Variants in SLC2A4RG observed in about 807,000 individuals in gnomAD.
SLC2A4RG encodes the protein GLUT4 enhancer factor.
Under a neutral mutation model 35.5 loss-of-function variants are expected in SLC2A4RG, and 23 were observed. The observed-to-expected ratio is 0.65, with a 90% CI of 0.47 to 0.92. The LOEUF is 0.92. SLC2A4RG is among the 40% of genes least tolerant of loss of function. The probability of loss-of-function intolerance (pLI) is 0.00; values close to 1 mark genes in which losing one functional copy is unlikely to be tolerated. For missense variants in SLC2A4RG, 539 were observed against 525.0 expected (o/e 1.03, Z -0.26); for synonymous variants, 306 against 243.7 (o/e 1.26, Z -2.38).
At chr20:63,741,628 G>C in intron 3 of SLC2A4RG, 149 bp downstream of exon 3, 1 of 1,125,398 alleles carries the variant, frequency 8.9e-7, no homozygotes, top group Non-Finnish European at 1.2e-6. Flanking sequence ...CCCTACTGAG[G>C]CCAAAGCGGC....
chr20:63,741,520 C>G, intron 3 of SLC2A4RG, 41 bp downstream of exon 3: 5 of 1,563,494 alleles, frequency 3.2e-6, no homozygotes, highest in Non-Finnish European at 4.4e-6. Context: ...TGGGTGGGGA[C>G]AGGGCTCAGA....
At position 63,740,363 on chromosome 20, in the gene SLC2A4RG, C is replaced by T; in HGVS notation, c.127-14C>T. The T allele has an allele frequency of 2.4e-6, 3 of 1,226,196 alleles. No individual in the cohort carries two copies. The highest frequency in any genetic ancestry group is 3.1e-6 in the Non-Finnish European group (3 of 983,438). The allele number at this position is 1,226,196 out of a possible 1,614,324, so 76.0% of individuals were successfully genotyped here. On this transcript the variant is annotated splice_polypyrimidine_tract_variant and intron_variant, in intron 1 of 7. Coordinates refer to ENST00000266077, the MANE Select transcript of SLC2A4RG (RefSeq NM_020062.4). ...CCACCGCCTCCGCTGAGTCTGCCCC[C>T]TCCCCATCCGCAGGGCTCTTCCGTG...
rs541651635 is a variant in SLC2A4RG at position 63,743,783 on chromosome 20, C to T, written c.*793C>T. The stretch of plus-strand genomic sequence containing the variant: ...CCTAGGCAGAAACTTGGAGACTCAC[C>T]GCAGAGGCCACGTGAACCCACGGCC... On this transcript the variant is annotated 3_prime_UTR_variant, in exon 8 of 8. Transcript: ENST00000266077. 6.6e-6 allele frequency: 1 copy of T among 152,466 alleles called. No individual in the cohort carries two copies. The highest frequency in any genetic ancestry group is 1.9e-4 in the East Asian group (1 of 5,334). The allele number at this position is 152,466 out of a possible 1,614,324, so 9.4% of individuals were successfully genotyped here. A position where few individuals can be genotyped will look rare whatever the true frequency, so the allele number is the denominator to read the frequency against.
At chr20:63,740,603 C>T (rs2092036669) in intron 2 of SLC2A4RG, 72 bp downstream of exon 2, 2 of 1,213,560 alleles carry the variant, frequency 1.6e-6, no homozygotes, top group Non-Finnish European at 2.1e-6. Flanking sequence ...AGACACCGGC[C>T]CCGACGGAGG....
Position 63,743,020 on chromosome 20 carries a change from A to T in SLC2A4RG, c.*30A>T, listed in dbSNP as rs751288887. 3.0e-5 allele frequency: 45 copies of T among 1,513,586 alleles called. No individual in the cohort carries two copies. Among genetic ancestry groups the T allele is most frequent in the Non-Finnish European group, 3.9e-5 (44 of 1,120,310 alleles). The allele number at this position is 1,513,586 out of a possible 1,614,324, so 93.8% of individuals were successfully genotyped here. ...GGCTCGTTCAAGAACATAAGCTACC[A>T]CCTTCTCCCTCCCCACCCCCTCCAG... On this transcript the variant is annotated 3_prime_UTR_variant, in exon 8 of 8. Transcript: ENST00000266077.
chr20:63,743,095 A>G lies in SLC2A4RG; in HGVS notation c.*105A>G. 1 of 219,200 alleles carries G rather than the reference A, an allele frequency of 4.6e-6. No homozygotes were observed. The highest frequency in any genetic ancestry group is 8.5e-5 in the Admixed American group (1 of 11,728). The allele number at this position is 219,200 out of a possible 1,614,324, so 13.6% of individuals were successfully genotyped here. On this transcript the variant is annotated 3_prime_UTR_variant, in exon 8 of 8. Transcript: ENST00000266077. ...ACAGCCCCAGGGGCTGGCTTTCACCAGCTGCAGGGTCTGCTTTTACTTGGG... is the reference window on the plus strand; with the variant it reads ...ACAGCCCCAGGGGCTGGCTTTCACCGGCTGCAGGGTCTGCTTTTACTTGGG...
At chr20:63,742,814 G>A (rs770675450) in intron 7 of SLC2A4RG, 24 bp downstream of exon 7, 13 of 1,574,914 alleles carry the variant, frequency 8.3e-6, no homozygotes, top group Admixed American at 7.4e-5. Flanking sequence ...GAGGGCCTGC[G>A]GCTGGCACCA....
Position 63,743,047 on chromosome 20 carries a change from C to A in SLC2A4RG, c.*57C>A. 2.2e-6 allele frequency: 3 copies of A among 1,385,014 alleles called. No homozygotes were observed. Among genetic ancestry groups the A allele is most frequent in the Middle Eastern group, 1.9e-4 (1 of 5,254 alleles). 85.8% of individuals were successfully genotyped at this position (1,385,014 alleles called of 1,614,324 possible). The stretch of plus-strand genomic sequence containing the variant: ...CTTCTCCCTCCCCACCCCCTCCAGG[C>A]CCGGGGCTGAAACAGCCCGAGGACA... On this transcript the variant is annotated 3_prime_UTR_variant, in exon 8 of 8. Transcript: ENST00000266077.
intron 2 of SLC2A4RG, 108 bp from the exon 3 acceptor site, chr20:63,741,262 A>G: frequency 1.0e-6 from 1 of 990,274 alleles, no homozygotes; most frequent in Non-Finnish European, 1.5e-6. Context: ...CAGGGCTGGG[A>G]GTGGGGAGCC....
In SLC2A4RG at chr20:63,742,177, G is replaced by A; in HGVS notation, c.627G>A (p.Lys209=). 1 of 1,605,088 alleles carries A rather than the reference G, an allele frequency of 6.2e-7. No individual in the cohort carries two copies. The highest frequency in any genetic ancestry group is 8.5e-7 in the Non-Finnish European group (1 of 1,176,306). Residue 209 remains lysine, a synonymous_variant, in exon 5 of 8, where the codon AAG becomes AAA. Transcript: ENST00000266077. ...AGTGTCTGTGGAAGAGCTGCGGGAA[G>A]GTGCTGAGCACGGCGTCGGCGATGC... ...MFQCLWKSCG[K]VLSTASAMQR...
chr20:63,742,175 A>C lies in SLC2A4RG; in HGVS notation c.625A>C (p.Lys209Gln). 5.6e-6 allele frequency: 9 copies of C among 1,604,984 alleles called. No homozygotes were observed. The highest frequency in any genetic ancestry group is 7.7e-6 in the Non-Finnish European group (9 of 1,176,246). ...CCAGTGTCTGTGGAAGAGCTGCGGG[A>C]AGGTGCTGAGCACGGCGTCGGCGAT... is the stretch of plus-strand genomic sequence containing the variant. The part of the protein sequence containing the change: ...MFQCLWKSCG[K>Q]VLSTASAMQR... Residue 209 changes from lysine to glutamine, a missense_variant, in exon 5 of 8, where the codon AAG becomes CAG. By Grantham distance (53) the Lys-to-Gln change is moderately conservative. Transcript: ENST00000266077.
Position 63,741,140 on chromosome 20 carries a change from C to G in SLC2A4RG, c.282-230C>G, listed in dbSNP as rs542945764. 2.5e-5 allele frequency: 14 copies of G among 564,962 alleles called. No homozygotes were observed. In the Admixed American group the frequency reaches 4.0e-4, roughly 16 times the overall value. The allele number at this position is 564,962 out of a possible 1,614,324, so 35.0% of individuals were successfully genotyped here. On this transcript the variant is annotated intron_variant, in intron 2 of 7. Transcript: ENST00000266077. The stretch of plus-strand genomic sequence containing the variant: ...GAAGGAACCACAGTGGAGCCAAGCC[C>G]GCGATGTGGAGAACTCAGGCTTCAG...
At position 63,742,994 on chromosome 20, in the gene SLC2A4RG, C is replaced by T. The variant is rs199594306; in HGVS notation, c.*4C>T. 49 of 1,604,116 alleles carry T rather than the reference C, an allele frequency of 3.1e-5. No individual in the cohort carries two copies. The highest frequency in any genetic ancestry group is 4.5e-5 in the East Asian group (2 of 44,646). ...CTGCCAGCGGTTCCTGGACTAAGTC[C>T]GGCTCGTTCAAGAACATAAGCTACC... On this transcript the variant is annotated 3_prime_UTR_variant, in exon 8 of 8. Transcript: ENST00000266077.
chr20:63,740,061 G>A (rs1369964529), intron 1 of SLC2A4RG, 23 bp downstream of exon 1: 3 of 957,970 alleles, frequency 3.1e-6, no homozygotes, highest in African/African-American at 1.8e-5. Flanking sequence ...GGTGGGCGGG[G>A]GCGCCGACCA....
chr20:63,742,006 C>T lies in SLC2A4RG; in HGVS notation c.529C>T (p.Pro177Ser), dbSNP rs2092044361. The part of the protein sequence containing the change: ...SPSTPSPPLP[P>S]EAAHFLFGEP... Reference sequence around the variant, plus strand: ...GTCCACCCCGTCACCCCCACTGCCCCCCGAGGCAGCCCACTTTCTGTTTGG... The same window carrying T: ...GTCCACCCCGTCACCCCCACTGCCCTCCGAGGCAGCCCACTTTCTGTTTGG... Residue 177 changes from proline (P) to serine (S), a missense_variant, in exon 4 of 8, where the codon CCC becomes TCC. Coordinates refer to ENST00000266077, the MANE Select transcript of SLC2A4RG (RefSeq NM_020062.4). The T allele has an allele frequency of 1.9e-6, 3 of 1,612,710 alleles. No homozygotes were observed. The highest frequency in any genetic ancestry group is 2.2e-5 in the East Asian group (1 of 44,868).
At chr20:63,741,816 G>A in intron 3 of SLC2A4RG, 53 bp from the exon 4 acceptor site, 2 of 1,505,344 alleles carry the variant, frequency 1.3e-6, no homozygotes. Context: ...TCAGGATTAG[G>A]GACTCCCTGG....
In SLC2A4RG at chr20:63,742,440, C is replaced by T. The variant is rs1469219780; in HGVS notation, c.785C>T (p.Pro262Leu). The change falls in exon 6 of 8, where the codon CCA (proline) becomes CTA (leucine). Residue 262 changes from proline to leucine, a missense_variant. Physicochemically the swap from Pro to Leu is moderately conservative, Grantham distance 98 (BLOSUM62 -3). Transcript: ENST00000266077. The stretch of plus-strand genomic sequence containing the variant: ...ACCGACGGGCTGTCCAGCCTGACTC[C>T]AGTGTCCCCCACGGCCTCCATGCCG... Reference protein sequence around the residue: ...TLTDGLSSLTPVSPTASMPPA... With the variant: ...TLTDGLSSLTLVSPTASMPPA... 2 of 1,604,964 alleles carry T rather than the reference C, an allele frequency of 1.2e-6. No homozygotes were observed. The highest frequency in any genetic ancestry group is 2.7e-5 in the African/African-American group (2 of 74,748).
At position 63,742,135 on chromosome 20, in the gene SLC2A4RG, G is replaced by C. The variant is rs370908215; in HGVS notation, c.585G>C (p.Pro195=). The C allele has an allele frequency of 1.2e-6, 2 of 1,603,762 alleles. No individual in the cohort carries two copies. Among genetic ancestry groups the C allele is most frequent in the Non-Finnish European group, 1.7e-6 (2 of 1,175,728 alleles). The change falls in exon 5 of 8, where the codon CCG becomes CCC. Residue 195 remains proline, a synonymous_variant. Coordinates refer to ENST00000266077, the MANE Select transcript of SLC2A4RG (RefSeq NM_020062.4). ...CCTGGCCCCTGTTGCTGCAGAGCCCGGCCCAGGTCATGTTCCAGTGTCTGT... is the reference window on the plus strand; with the variant it reads ...CCTGGCCCCTGTTGCTGCAGAGCCCCGCCCAGGTCATGTTCCAGTGTCTGT... ...GEPTLRKRKS[P]AQVMFQCLWK... is the part of the protein sequence containing the mutation.
rs1360427008 is a variant in SLC2A4RG, at chr20:63,743,715, G to A, written c.*725G>A. 6.6e-6 allele frequency: 1 copy of A among 152,400 alleles called. No individual in the cohort carries two copies. The highest frequency in any genetic ancestry group is 1.5e-5 in the Non-Finnish European group (1 of 68,060). 9.4% of individuals were successfully genotyped at this position (152,400 alleles called of 1,614,324 possible). A position where few individuals can be genotyped will look rare whatever the true frequency, so the allele number is the denominator to read the frequency against. ...TTATTGAAAGTGATCGCTTTGCAAG[G>A]ATGTCTAAGCTAATCCCGTCACAGA... On this transcript the variant is annotated 3_prime_UTR_variant, in exon 8 of 8. Transcript: ENST00000266077.
Sources: allele counts gnomAD v4.1 joint callset, GRCh38; gene constraint gnomAD v4.1.1; transcripts MANE v1.5; gene names NCBI Gene and HGNC (gene_info 2026-07-23, HGNC 2026-07-21).